Variants in MDN1 observed in about 807,000 individuals in gnomAD.
MDN1 encodes midasin AAA ATPase 1, also known as midasin.
Under a neutral mutation model 669.2 loss-of-function variants are expected in MDN1, and 266 were observed. The ratio of observed to expected loss-of-function variants is 0.40; its 90% CI spans 0.36 to 0.44. The LOEUF is 0.44. Among genes scored for constraint, MDN1 ranks in the 20% least tolerant of loss-of-function variants. The probability of loss-of-function intolerance (pLI) is 1.00; values close to 1 mark genes in which losing one functional copy is unlikely to be tolerated. For missense variants in MDN1, 5,940 were observed against 6,754.0 expected (o/e 0.88, Z 4.22); for synonymous variants, 2,385 against 2,457.1 (o/e 0.97, Z 0.87).
chr6:89,688,198 C>G, intron 66 of MDN1, 25 bp from the exon 67 acceptor site: 2 of 1,588,518 alleles, frequency 1.3e-6, no homozygotes, highest in African/African-American at 2.7e-5. Flanking sequence ...ATTTGGGTAT[C>G]TCAGTAGGAA....
Position 89,743,295 on chromosome 6 carries a change from A to C in MDN1, c.4318-15T>G. On this transcript the variant is annotated splice_polypyrimidine_tract_variant and intron_variant, in intron 30 of 101. Coordinates refer to ENST00000369393, the MANE Select transcript of MDN1 (RefSeq NM_014611.3). ...TCAATTTCTTCCTATAATTTGAAAAAGTGGGGAAAATTAAAGGGCAGGTGG... is the reference window on the plus strand; with the variant it reads ...TCAATTTCTTCCTATAATTTGAAAACGTGGGGAAAATTAAAGGGCAGGTGG... 1 of 1,614,004 alleles carries C rather than the reference A, an allele frequency of 6.2e-7. No homozygotes were observed. The highest frequency in any genetic ancestry group is 8.5e-7 in the Non-Finnish European group (1 of 1,179,932).
At chr6:89,685,556 G>C (rs1032411165) in intron 70 of MDN1, among the ~76,000 whole-genome samples, 9 of 152,296 alleles carry the variant, frequency 5.9e-5, no homozygotes, top group African/African-American at 2.2e-4. Flanking sequence ...TGTCTAGACA[G>C]AGAGATGTGC....
chr6:89,814,927 G>T lies in MDN1; in HGVS notation c.102+4579C>A, dbSNP rs1768712446. ...TCAGGGCAGTAAGAGACTCCAGGCT[G>T]CAGCTCGCTCAGCTAAGAGCACCCT... On this transcript the variant is annotated intron_variant, in intron 1 of 101. Transcript: ENST00000369393. 7 of 480,708 alleles carry T rather than the reference G, an allele frequency of 1.5e-5. No individual in the cohort carries two copies. The Admixed American group carries it at 1.8e-4, about 12-fold the overall frequency. The allele number at this position is 480,708 out of a possible 1,614,324, so 29.8% of individuals were successfully genotyped here.
At chr6:89,687,488 T>A (rs769196465) in intron 67 of MDN1, 50 bp from the exon 68 acceptor site, 11 of 1,506,162 alleles carry the variant, frequency 7.3e-6, no homozygotes, top group Non-Finnish European at 8.3e-6. Flanking sequence ...AATGCCATAA[T>A]CACCTCCTTC....
At chr6:89,687,221 G>A (rs886483223) in intron 68 of MDN1, 123 bp downstream of exon 68, 12 of 1,149,286 alleles carry the variant, frequency 1.0e-5, no homozygotes, top group African/African-American at 1.6e-5. Context: ...TTAACTCTGT[G>A]ATTAATAACT....
At position 89,643,175 on chromosome 6, in the gene MDN1, A is replaced by G. The variant is rs555400040; in HGVS notation, c.*830T>C. 6.6e-6 allele frequency: 1 copy of G among 152,326 alleles called. No individual in the cohort carries two copies. The highest frequency in any genetic ancestry group is 2.4e-5 in the African/African-American group (1 of 41,564). 9.4% of individuals were successfully genotyped at this position (152,326 alleles called of 1,614,324 possible). On this transcript the variant is annotated 3_prime_UTR_variant, in exon 102 of 102. Coordinates refer to ENST00000369393, the MANE Select transcript of MDN1 (RefSeq NM_014611.3). ...TCCCAGAATGAGACTGGCTCAGTCC[A>G]GCTTGAAAGCAGTGTGAGGAATCAC...
In MDN1 at chr6:89,793,832, T is replaced by A; in HGVS notation, c.785A>T (p.Asp262Val). Residue 262 changes from aspartate to valine, a missense_variant, in exon 5 of 102, where the codon GAC becomes GTC. By Grantham distance (152) the Asp-to-Val change is radical. This residue lies in a region of MDN1 where 1,203 missense variants were observed against 1,268.9 expected (regional missense o/e 0.95). Transcript: ENST00000369393. Reference sequence around the variant, plus strand: ...AACAGCTGTCACCCTAGGGGAGAGGTCAGACGAAACAAGATGTCCCTGTAA... The same window carrying A: ...AACAGCTGTCACCCTAGGGGAGAGGACAGACGAAACAAGATGTCCCTGTAA... ...QYLQGHLVSSDLSPRVTAVCG... is the reference protein window; with the variant it reads ...QYLQGHLVSSVLSPRVTAVCG... 1 of 1,613,418 alleles carries A rather than the reference T, an allele frequency of 6.2e-7. No individual in the cohort carries two copies. Among genetic ancestry groups the A allele is most frequent in the South Asian group, 1.1e-5 (1 of 91,024 alleles).
chr6:89,653,798 T>C (rs1402580419), intron 93 of MDN1, among the ~76,000 whole-genome samples: 3 of 152,262 alleles, frequency 2.0e-5, no homozygotes, highest in Non-Finnish European at 4.4e-5. Flanking sequence ...CTGCATTTTA[T>C]GCTAATAGCA....
chr6:89,691,145 G>C (rs1812352955), intron 63 of MDN1, among the ~76,000 whole-genome samples: 2 of 152,198 alleles, frequency 1.3e-5, no homozygotes, highest in Non-Finnish European at 2.9e-5. Flanking sequence ...AACAAGGACA[G>C]ACTCAGGGTT....
chr6:89,732,257 TA>T (rs754583172), intron 34 of MDN1, among the ~76,000 whole-genome samples: 3,984 of 132,670 alleles, frequency 0.03, 56 homozygotes, highest in Non-Finnish European at 0.042. Context: ...GAACTTAATT[TA>T]AAAAAAAAAA....
intron 18 of MDN1, 36 bp downstream of exon 18, chr6:89,758,780 G>A: frequency 6.2e-7 from 1 of 1,611,852 alleles, no homozygotes; most frequent in Non-Finnish European, 8.5e-7. Context: ...CACAGGGCTT[G>A]ACACCAAGTC....
rs774332442 is a variant in MDN1 at position 89,761,636 on chromosome 6, C to T, written c.2460+9G>A. ...GTTCCCATAAGCTAAATAACAAAAA[C>T]AGAAATACCTCTACAAATGCGAACA... On this transcript the variant is annotated intron_variant, in intron 17 of 101. Transcript: ENST00000369393. 1 of 1,580,864 alleles carries T rather than the reference C, an allele frequency of 6.3e-7. No individual in the cohort carries two copies. The highest frequency in any genetic ancestry group is 8.6e-7 in the Non-Finnish European group (1 of 1,160,290).
Position 89,655,853 on chromosome 6 carries a change from G to A in MDN1, c.15401C>T (p.Pro5134Leu). Residue 5134 changes from proline (P) to leucine (L), a missense_variant, in exon 92 of 102, where the codon CCA becomes CTA. This residue lies in a region of MDN1 where 2,280 missense variants were observed against 2,576.3 expected (regional missense o/e 0.88). Coordinates refer to ENST00000369393, the MANE Select transcript of MDN1 (RefSeq NM_014611.3). ...CACCTGGGCCTGGGGCTGCTGAGCT[G>A]GCCCCTGCTCGGCATGGCTGTCCGT... ...VDTDSHAEQG[P>L]AQQPQAQVED... 1 of 1,614,096 alleles carries A rather than the reference G, an allele frequency of 6.2e-7. No individual in the cohort carries two copies.
rs1811970559 is a variant in MDN1, at chr6:89,685,910, G to A, written c.11636C>T (p.Ser3879Leu). 2.5e-6 allele frequency: 4 copies of A among 1,614,076 alleles called. No homozygotes were observed. The highest frequency in any genetic ancestry group is 2.2e-5 in the East Asian group (1 of 44,870). The change falls in exon 70 of 102, where the codon TCG (serine) becomes TTG (leucine). Residue 3879 changes from serine to leucine, a missense_variant. Around this residue, in one of 5 missense-constraint regions of MDN1, gnomAD observed 2,280 missense variants for 2,576.3 expected, o/e 0.88. Coordinates refer to ENST00000369393, the MANE Select transcript of MDN1 (RefSeq NM_014611.3). ...STLQAFIEGSSLGEFHVRLQM... is the reference protein window; with the variant it reads ...STLQAFIEGSLLGEFHVRLQM... The stretch of plus-strand genomic sequence containing the variant: ...AAGTCGCACATGGAACTCTCCCAGC[G>A]AGGATCCTTCAATAAATGCTTGTAA...
Position 89,785,140 on chromosome 6 carries a change from T to C in MDN1, c.1335-14A>G. 1.3e-6 allele frequency: 2 copies of C among 1,589,390 alleles called. No individual in the cohort carries two copies. Among genetic ancestry groups the C allele is most frequent in the Non-Finnish European group, 1.7e-6 (2 of 1,158,750 alleles). On this transcript the variant is annotated splice_polypyrimidine_tract_variant and intron_variant, in intron 8 of 101. Transcript: ENST00000369393. ...CAGCTCAAGAGTCTACGTTTCAAAA[T>C]AAAAAACACAGTCACACAAAATTCC...
intron 22 of MDN1, 130 bp from the exon 23 acceptor site, chr6:89,751,712 T>A: frequency 1.1e-6 from 1 of 935,432 alleles, no homozygotes; most frequent in Non-Finnish European, 1.6e-6. Flanking sequence ...TAAAACTGGA[T>A]GAAATATGAA....
At chr6:89,700,468 TG>T (rs1320469298) in intron 56 of MDN1, among the ~76,000 whole-genome samples, 174 bp from the exon 57 acceptor site, 1 of 152,200 alleles carries the variant, frequency 6.6e-6, no homozygotes, top group Non-Finnish European at 1.5e-5. Flanking sequence ...CACATGATTC[TG>T]ATGGAATTAA....
At position 89,719,167 on chromosome 6, in the gene MDN1, C is replaced by A. The variant is rs1298331761; in HGVS notation, c.6026G>T (p.Arg2009Ile). The A allele has an allele frequency of 6.2e-7, 1 of 1,613,802 alleles. No individual in the cohort carries two copies. Among genetic ancestry groups the A allele is most frequent in the African/African-American group, 1.3e-5 (1 of 74,928 alleles). ...ATCATAGGGAGTGATACGAAATAGTCTGGTTCCCATGTATGGGTTGGAATT... is the reference window on the plus strand; with the variant it reads ...ATCATAGGGAGTGATACGAAATAGTATGGTTCCCATGTATGGGTTGGAATT... The part of the protein sequence containing the change: ...GSNSNPYMGT[R>I]LFRITPYDVQ... Residue 2009 changes from arginine to isoleucine, a missense_variant, in exon 41 of 102, where the codon AGA (arginine) becomes ATA (isoleucine). By Grantham distance (97) the Arg-to-Ile change is moderately conservative. Coordinates refer to ENST00000369393, the MANE Select transcript of MDN1 (RefSeq NM_014611.3).
intron 1 of MDN1, among the ~76,000 whole-genome samples, chr6:89,813,562 A>C (rs961369749): frequency 1.5e-4 from 23 of 151,444 alleles, no homozygotes; most frequent in Non-Finnish European, 2.4e-4. Context: ...AAAAAAAAAA[A>C]AAAACAAAAA....
Sources: gnomAD v4.1 joint callset for allele counts (sites outside exome capture counted in the v4.1 genomes callset) on GRCh38, gnomAD v4.1.1 for gene constraint, gnomAD v4.1.1 regional missense constraint, MANE v1.5 for transcripts, NCBI Gene and HGNC (gene_info 2026-07-23, HGNC 2026-07-21) for gene names.